NPC1: variants seen among roughly 807,000 people sequenced by gnomAD.
NPC1 encodes the protein NPC intracellular cholesterol transporter 1, also known as Niemann-Pick C1 protein.
A neutral mutation model predicts 140.4 loss-of-function variants in NPC1; 85 were observed. The observed-to-expected ratio is 0.61, with a 90% CI of 0.51 to 0.72. The LOEUF (loss-of-function observed/expected upper bound fraction) is 0.72. Ranked by LOEUF, NPC1 falls within the 30% of genes least tolerant of loss-of-function variation. The pLI, the probability that NPC1 is intolerant of heterozygous loss-of-function variation, is 0.00. For synonymous variants in NPC1, 656 were observed against 624.8 expected, an observed-to-expected ratio of 1.05 and a Z score of -0.74; for missense variants, 1,504 against 1,623.8, an observed-to-expected ratio of 0.93 and a Z score of 1.27.
intron 14 of NPC1, 70 bp from the exon 15 acceptor site, chr18:23,541,503 A>T (rs1412229045): frequency 6.2e-7 from 1 of 1,603,276 alleles, no homozygotes. Context: ...TCTTATGTTC[A>T]TGTGCATGTA....
At position 23,551,746 on chromosome 18, in the gene NPC1, A is replaced by G. The variant is rs998412305; in HGVS notation, c.1554-19T>C. Reference sequence around the variant, plus strand: ...AGGAGCCCTGCCAAAAAGTTTAGAAAACACCTCCCAGTTAGAAGGGCCTCA... The same window carrying G: ...AGGAGCCCTGCCAAAAAGTTTAGAAGACACCTCCCAGTTAGAAGGGCCTCA... On this transcript the variant is annotated intron_variant, in intron 9 of 24. Coordinates refer to ENST00000269228, the MANE Select transcript of NPC1 (RefSeq NM_000271.5). 1.9e-6 allele frequency: 3 copies of G among 1,550,524 alleles called. No homozygotes were observed. Among genetic ancestry groups the G allele is most frequent in the Non-Finnish European group, 2.7e-6 (3 of 1,122,262 alleles).
downstream of NPC1, chr18:23,529,413 GT>G: frequency 1.4e-6 from 2 of 1,443,566 alleles, no homozygotes; most frequent in Non-Finnish European, 1.8e-6. Flanking sequence ...AATCACTGGA[GT>G]TTCCTTGGGT....
Position 23,544,528 on chromosome 18 carries a change from TGA to T in NPC1, c.1948-4_1948-3del. ...GCCTAGTGAGACCTTCGAATCCACC[TGA>T]GAGAGGCGACAGACACAATCACCAA... On this transcript the variant is annotated splice_region_variant and splice_polypyrimidine_tract_variant and intron_variant, in intron 12 of 24. Transcript: ENST00000269228. 6.2e-7 allele frequency: 1 copy of T among 1,614,036 alleles called. No individual in the cohort carries two copies. Among genetic ancestry groups the T allele is most frequent in the Non-Finnish European group, 8.5e-7 (1 of 1,179,948 alleles).
In NPC1 at chr18:23,548,327, G is replaced by A. The variant is rs555935170; in HGVS notation, c.1655-219C>T. ...CTGAGGTAGGCATGGTTATCATTCAGGAAGAGTAACTCTTTTTTTTTTTTT... is the reference window on the plus strand; with the variant it reads ...CTGAGGTAGGCATGGTTATCATTCAAGAAGAGTAACTCTTTTTTTTTTTTT... On this transcript the variant is annotated intron_variant, in intron 10 of 24. Coordinates refer to ENST00000269228, the MANE Select transcript of NPC1 (RefSeq NM_000271.5). Among the ~76,000 whole-genome samples, 27 of 148,910 alleles carry A rather than the reference G, an allele frequency of 1.8e-4. No homozygotes were observed. The South Asian group carries it at 4.2e-3, about 23-fold the overall frequency.
chr18:23,528,266 A>G (rs1196786124), downstream of NPC1: 2 of 168,264 alleles, frequency 1.2e-5, no homozygotes, highest in Non-Finnish European at 2.6e-5. Context: ...AGAAAATTAA[A>G]TTAGAAATAT....
intron 22 of NPC1, among the ~76,000 whole-genome samples, chr18:23,535,003 C>G (rs2058605802): frequency 1.3e-5 from 2 of 152,084 alleles, no homozygotes. Flanking sequence ...ACATAGGAGG[C>G]AAAAGGCACT....
Position 23,551,621 on chromosome 18 carries a change from A to T in NPC1, c.1654+6T>A. 1.2e-6 allele frequency: 2 copies of T among 1,601,360 alleles called. No individual in the cohort carries two copies. Among genetic ancestry groups the T allele is most frequent in the Non-Finnish European group, 1.7e-6 (2 of 1,168,382 alleles). ...AAAAGGAAAAGTCAAAGCTTCTCTT[A>T]CTTACCATCATAGCCTCCCAACACA... is the stretch of plus-strand genomic sequence containing the variant. On this transcript the variant is annotated splice_donor_region_variant and intron_variant, in intron 10 of 24. Coordinates refer to ENST00000269228, the MANE Select transcript of NPC1 (RefSeq NM_000271.5).
chr18:23,524,502 TGTC>T (rs766981646), downstream of NPC1: 2 of 1,612,922 alleles, frequency 1.2e-6, no homozygotes, highest in South Asian at 1.1e-5. Flanking sequence ...CGGGGACAGT[TGTC>T]GTGTTACAAC....
At chr18:23,525,395 A>G (rs1301682005), downstream of NPC1, among the ~76,000 whole-genome samples, 2 of 151,808 alleles carry the variant, frequency 1.3e-5, no homozygotes, top group African/African-American at 4.8e-5. Context: ...CTACAGGCGC[A>G]CATCACCACG....
exon 2 of NPC1, chr18:23,522,326 G>A (rs2058163391): frequency 1.3e-5 from 2 of 152,140 alleles, no homozygotes; most frequent in African/African-American, 4.8e-5. Flanking sequence ...CACTTGGCAT[G>A]AAGGTAACTG....
chr18:23,560,544 C>T (rs1297019042), intron 5 of NPC1, 64 bp from the exon 6 acceptor site: 5 of 1,552,732 alleles, frequency 3.2e-6, no homozygotes, highest in Non-Finnish European at 4.4e-6. Context: ...TTGTATTATA[C>T]TTAAACTCAA....
chr18:23,516,398 G>A, intron 3 of NPC1: 1 of 1,614,188 alleles, frequency 6.2e-7, no homozygotes, highest in Non-Finnish European at 8.5e-7. Context: ...CAGCCTTTCC[G>A]AAAGAGACAT....
intron 14 of NPC1, among the ~76,000 whole-genome samples, chr18:23,542,252 TTTTC>T (rs1201926617): frequency 2.7e-5 from 4 of 150,494 alleles, no homozygotes; most frequent in South Asian, 2.1e-4. Flanking sequence ...AAAGAAAGTT[TTTTC>T]TTTTTTTTTT....
intron 3 of NPC1, among the ~76,000 whole-genome samples, chr18:23,510,221 G>A (rs1200046175): frequency 6.6e-6 from 1 of 151,786 alleles, no homozygotes; most frequent in Non-Finnish European, 1.5e-5. Context: ...CTACTTGGGA[G>A]GCTGAAGTGG....
At position 23,568,887 on chromosome 18, in the gene NPC1, A is replaced by G. The variant is rs2059163520; in HGVS notation, c.399T>C (p.Val133=). Residue 133 remains valine, a synonymous_variant, in exon 4 of 25, where the codon GTT becomes GTC. Transcript: ENST00000269228. The part of the protein sequence containing the change: ...VTATEDYVDP[V]TNQTKTNVKE... ...TCACATTTGTTTTCGTCTGGTTTGT[A>G]ACAGGATCAACATAATCTTCAGTAG... is the stretch of plus-strand genomic sequence containing the variant. 2 of 1,614,040 alleles carry G rather than the reference A, an allele frequency of 1.2e-6. No individual in the cohort carries two copies. The highest frequency in any genetic ancestry group is 4.5e-5 in the East Asian group (2 of 44,876).
Position 23,554,747 on chromosome 18 carries a change from T to C in NPC1, c.1553+11A>G. On this transcript the variant is annotated intron_variant, in intron 9 of 24. Transcript: ENST00000269228. ...AATGGTGTCTACCAATGATTGTCTC[T>C]TGCCACTTACCGTACGCAGTACAGA... 9 of 1,606,794 alleles carry C rather than the reference T, an allele frequency of 5.6e-6. No individual in the cohort carries two copies. Among genetic ancestry groups the C allele is most frequent in the Non-Finnish European group, 7.7e-6 (9 of 1,173,628 alleles).
intron 3 of NPC1, among the ~76,000 whole-genome samples, chr18:23,512,355 G>A (rs2057885149): frequency 6.6e-6 from 1 of 151,790 alleles, no homozygotes; most frequent in Non-Finnish European, 1.5e-5. Flanking sequence ...ACATTACTAG[G>A]GAAGTAAGCA....
intron 1 of NPC1, chr18:23,524,285 C>T (rs1465986514): frequency 1.3e-6 from 2 of 1,495,262 alleles, no homozygotes; most frequent in Non-Finnish European, 1.9e-6. Context: ...CGAGAGCCAC[C>T]CCGCAGGCAG....
chr18:23,523,018 C>G (rs1471190428), intron 1 of NPC1: 1 of 152,244 alleles, frequency 6.6e-6, no homozygotes, highest in African/African-American at 2.4e-5. Flanking sequence ...TTAGGATCAT[C>G]TGGGGGGCCT....
Sources: allele counts gnomAD v4.1 joint callset (sites outside exome capture counted in the v4.1 genomes callset), GRCh38; gene constraint gnomAD v4.1.1; transcripts MANE v1.5; gene names NCBI Gene and HGNC (gene_info 2026-07-23, HGNC 2026-07-21).